The following CLDN14 variants were observed in gnomAD, a reference collection of about 807,000 sequenced individuals.
CLDN14 encodes the protein claudin-14.
A neutral mutation model predicts 2.1 loss-of-function variants in CLDN14; 2 were observed. The observed-to-expected ratio is 0.96, with a 90% CI of 0.39 to 3.01. The LOEUF (loss-of-function observed/expected upper bound fraction) is 3.01, where lower values mean the gene tolerates loss of function less well. CLDN14 is among the 30% of genes most tolerant of loss of function. The pLI is 0.09. For missense variants in CLDN14, 298 were observed against 328.0 expected, an observed-to-expected ratio of 0.91 and a Z score of 0.71; for synonymous variants, 136 against 154.4, an observed-to-expected ratio of 0.88 and a Z score of 0.88.
chr21:36,473,342 C>G (rs2086733895), intron 1 of CLDN14, among the ~76,000 whole-genome samples: 2 of 152,070 alleles, frequency 1.3e-5, no homozygotes, highest in African/African-American at 2.4e-5. Context: ...CAACCTTGGC[C>G]TCCCAAGGCT....
chr21:36,493,792 T>C (rs2850114), intron 2 of CLDN14, among the ~76,000 whole-genome samples: 103,693 of 151,958 alleles, frequency 0.68, 37,323 homozygotes, highest in Non-Finnish European at 0.81. Context: ...AAGGAACACA[T>C]GTGGCTGGAG....
At chr21:36,536,144 G>A (rs543766745) in intron 1 of CLDN14, among the ~76,000 whole-genome samples, 1 of 152,204 alleles carries the variant, frequency 6.6e-6, no homozygotes, top group Non-Finnish European at 1.5e-5. Context: ...TGTCTGTCTG[G>A]GACAGCCCCT....
At chr21:36,573,593 G>A (rs1019120510) in intron 1 of CLDN14, among the ~76,000 whole-genome samples, 5 of 152,078 alleles carry the variant, frequency 3.3e-5, no homozygotes, top group African/African-American at 9.7e-5. Context: ...AATACATGGT[G>A]AAAACTACAA....
At chr21:36,566,566 C>A (rs1468659593) in intron 1 of CLDN14, among the ~76,000 whole-genome samples, 1 of 152,204 alleles carries the variant, frequency 6.6e-6, no homozygotes, top group Non-Finnish European at 1.5e-5. Flanking sequence ...ACGGTCACTG[C>A]AGCCCCTCTG....
upstream of CLDN14, among the ~76,000 whole-genome samples, chr21:36,483,303 G>A (rs1358486513): frequency 6.6e-6 from 1 of 152,216 alleles, no homozygotes; most frequent in Non-Finnish European, 1.5e-5. Flanking sequence ...AGGCCCTGAG[G>A]AGCGAGCCCG....
At chr21:36,520,508 T>C (rs1313953445) in intron 1 of CLDN14, among the ~76,000 whole-genome samples, 3 of 152,196 alleles carry the variant, frequency 2.0e-5, no homozygotes, top group Non-Finnish European at 2.9e-5. Context: ...GGAACCCCTT[T>C]CACTTGGTTC....
At chr21:36,562,301 T>C (rs1193156468) in intron 1 of CLDN14, among the ~76,000 whole-genome samples, 1 of 152,130 alleles carries the variant, frequency 6.6e-6, no homozygotes, top group Non-Finnish European at 1.5e-5. Context: ...CAGACCCTCT[T>C]TGGCAGATTT....
rs762176141 is a variant in CLDN14 at position 36,485,968 on chromosome 21, C to T, written c.-81-24192G>A. The T allele has an allele frequency of 9.9e-6, 14 of 1,417,988 alleles. No homozygotes were observed. In the African/African-American group the frequency reaches 1.4e-4, roughly 14 times the overall value. 87.8% of individuals were successfully genotyped at this position (1,417,988 alleles called of 1,614,324 possible). A position where few individuals can be genotyped will look rare whatever the true frequency, so the allele number is the denominator to read the frequency against. On this transcript the variant is annotated intron_variant, in intron 2 of 2. Coordinates refer to the CLDN14 transcript ENST00000342108. ...CAGTCCCCTGAGCAGGCTCAGCTACCCTTTCCCTCCAGTCTCACTTCTTGT... is the reference window on the plus strand; with the variant it reads ...CAGTCCCCTGAGCAGGCTCAGCTACTCTTTCCCTCCAGTCTCACTTCTTGT...
upstream of CLDN14, among the ~76,000 whole-genome samples, chr21:36,483,754 C>A (rs933523663): frequency 6.6e-6 from 1 of 152,184 alleles, no homozygotes; most frequent in Non-Finnish European, 1.5e-5. Context: ...GCTTTTGTCA[C>A]CCCTTCCTGG....
At chr21:36,541,420 C>T (rs2087487380) in intron 1 of CLDN14, among the ~76,000 whole-genome samples, 1 of 152,144 alleles carries the variant, frequency 6.6e-6, no homozygotes, top group South Asian at 2.1e-4. Context: ...AAGTCCTAAT[C>T]CTAAAAGAGA....
chr21:36,504,591 G>GA (rs1291480443), intron 2 of CLDN14, among the ~76,000 whole-genome samples: 1 of 152,150 alleles, frequency 6.6e-6, no homozygotes, highest in East Asian at 1.9e-4. Context: ...AGACCTATCT[G>GA]AAGTATCTCA....
intron 1 of CLDN14, among the ~76,000 whole-genome samples, chr21:36,546,260 C>T (rs73902574): frequency 0.024 from 3,670 of 152,106 alleles, 153 homozygotes; most frequent in African/African-American, 0.084. Context: ...ATTCTCAGGC[C>T]TCATCCCAGA....
At chr21:36,482,375 T>G (rs549513247), upstream of CLDN14, among the ~76,000 whole-genome samples, 1 of 131,448 alleles carries the variant, frequency 7.6e-6, no homozygotes, top group Non-Finnish European at 1.6e-5. Context: ...GACTGACGGA[T>G]GGATGGATGG....
chr21:36,461,001 C>G lies in CLDN14; in HGVS notation c.695G>C (p.Gly232Ala). Residue 232 changes from glycine (G) to alanine (A), a missense_variant, in exon 2 of 2, where the codon GGG becomes GCG. Gly to Ala is a moderately conservative substitution (Grantham distance 60). Transcript: ENST00000399135. ...APSVTSATHS[G>A]YRLNDYV is the part of the protein sequence containing the mutation. The stretch of plus-strand genomic sequence containing the variant: ...TCACACGTAGTCGTTCAGCCTGTAC[C>G]CGCTGTGCGTGGCCGAGGTCACTGA... 1.2e-6 allele frequency: 2 copies of G among 1,613,066 alleles called. No homozygotes were observed. Among genetic ancestry groups the G allele is most frequent in the Non-Finnish European group, 1.7e-6 (2 of 1,179,940 alleles).
At position 36,498,809 on chromosome 21, in the gene CLDN14, TCAGCC is replaced by T. The variant is rs952857955; in HGVS notation, c.-82+11549_-82+11553del. Among the ~76,000 whole-genome samples the T allele has an allele frequency of 6.6e-6, 1 of 152,144 alleles. No individual in the cohort carries two copies. Among genetic ancestry groups the T allele is most frequent in the African/African-American group, 2.4e-5 (1 of 41,430 alleles). On this transcript the variant is annotated intron_variant, in intron 2 of 2. Coordinates refer to the CLDN14 transcript ENST00000342108. This position sits in a 1 kb window ranked among gnomAD's most constrained non-coding sequence, Gnocchi z 4.9. ...ACTGGCTGCGTCTGCCTGGACACCA[TCAGCC>T]CTGCACGAAGGTGGCCGCTGAGGGG...
At chr21:36,545,048 C>G (rs1439670939) in intron 1 of CLDN14, among the ~76,000 whole-genome samples, 1 of 152,190 alleles carries the variant, frequency 6.6e-6, no homozygotes, top group Non-Finnish European at 1.5e-5. Flanking sequence ...GTTCAGCCTC[C>G]TACCAATGCA....
chr21:36,497,694 C>T (rs2087050735), intron 2 of CLDN14, among the ~76,000 whole-genome samples: 1 of 152,128 alleles, frequency 6.6e-6, no homozygotes, highest in Admixed American at 6.5e-5. Flanking sequence ...TTAGCCAAGA[C>T]ACCTTTCCCG....
intron 2 of CLDN14, chr21:36,486,704 T>C (rs1477796305): frequency 1.6e-6 from 2 of 1,269,576 alleles, no homozygotes; most frequent in Non-Finnish European, 2.3e-6. Flanking sequence ...TACTTTCTCC[T>C]TCTTGAGGAA....
intron 2 of CLDN14, among the ~76,000 whole-genome samples, chr21:36,508,742 C>T (rs2087156764): frequency 6.6e-6 from 1 of 152,220 alleles, no homozygotes; most frequent in East Asian, 1.9e-4. Context: ...TGAATGTCTG[C>T]AACATCACTG....
Sources: gnomAD v4.1 joint callset for allele counts (sites outside exome capture counted in the v4.1 genomes callset) on GRCh38, gnomAD v4.1.1 for gene constraint, Gnocchi (gnomAD v3.1) non-coding constraint, MANE v1.5 for transcripts, NCBI Gene and HGNC (gene_info 2026-07-23, HGNC 2026-07-21) for gene names.